NT5C1B: variants seen among roughly 807,000 people sequenced by gnomAD.
The protein encoded by NT5C1B is 5'-nucleotidase, cytosolic IB.
In NT5C1B, 44 loss-of-function variants were observed where a neutral mutation model predicts 57.8. The ratio of observed to expected loss-of-function variants is 0.76; its 90% confidence interval spans 0.60 to 0.98. The LOEUF is 0.98. Ranked by LOEUF, NT5C1B falls within the 50% of genes least tolerant of loss-of-function variation. The pLI is 0.00. For missense variants in NT5C1B, 742 were observed against 719.5 expected (o/e 1.03, Z -0.36); for synonymous variants, 284 against 282.6 (o/e 1.00, Z -0.05).
chr2:18,571,093 G>T (rs1228707705), intron 8 of NT5C1B, among the ~76,000 whole-genome samples: 2 of 152,162 alleles, frequency 1.3e-5, no homozygotes, highest in Non-Finnish European at 2.9e-5. Context: ...AAGAGTGAAA[G>T]ATTGATGTCC....
At chr2:18,580,447 C>T (rs915868151) in intron 6 of NT5C1B, among the ~76,000 whole-genome samples, 1 of 152,140 alleles carries the variant, frequency 6.6e-6, no homozygotes. Flanking sequence ...AACCCTGTCT[C>T]TACTAAAAAA....
chr2:18,583,048 C>G, intron 5 of NT5C1B, 51 bp from the exon 6 acceptor site: 1 of 1,581,482 alleles, frequency 6.3e-7, no homozygotes. Context: ...CAGGGTGGAT[C>G]TGGGGAGGCC....
At chr2:18,569,662 A>G (rs1664975364) in intron 8 of NT5C1B, among the ~76,000 whole-genome samples, 1 of 152,114 alleles carries the variant, frequency 6.6e-6, no homozygotes, top group Admixed American at 6.5e-5. Flanking sequence ...CAATATAATA[A>G]TCCTAAATAT....
chr2:18,580,068 T>C (rs1183936311), intron 6 of NT5C1B, among the ~76,000 whole-genome samples: 5 of 152,000 alleles, frequency 3.3e-5, no homozygotes, highest in Non-Finnish European at 7.4e-5. Context: ...GAAAATCAAA[T>C]CAAAACCACA....
intron 3 of NT5C1B, chr2:18,585,284 G>GTT (rs2148174661): frequency 3.1e-6 from 2 of 636,622 alleles, no homozygotes; most frequent in South Asian, 3.0e-5. Flanking sequence ...CTGACACATG[G>GTT]TTTGCAAAGT....
chr2:18,576,396 C>G (rs80088844), intron 7 of NT5C1B, 28 bp from the exon 8 acceptor site: 20,301 of 1,598,152 alleles, frequency 0.013, 166 homozygotes, highest in Non-Finnish European at 0.016. Context: ...CTGATTAATA[C>G]TCTTCTCAGG....
intron 8 of NT5C1B, among the ~76,000 whole-genome samples, chr2:18,572,908 C>T (rs1254095787): frequency 1.2e-4 from 18 of 152,288 alleles, no homozygotes; most frequent in African/African-American, 4.1e-4. Context: ...TCAAATAAAA[C>T]ATACACTATT....
chr2:18,586,595 G>T, intron 2 of NT5C1B: 1 of 807,748 alleles, frequency 1.2e-6, no homozygotes, highest in Non-Finnish European at 1.9e-6. Flanking sequence ...GAGCATCTAT[G>T]TGGGGGTCCA....
intron 8 of NT5C1B, among the ~76,000 whole-genome samples, chr2:18,575,059 T>G (rs1665554236): frequency 6.6e-6 from 1 of 152,122 alleles, no homozygotes; most frequent in Non-Finnish European, 1.5e-5. Flanking sequence ...GATTATTTAC[T>G]TCAGATGGGA....
At chr2:18,578,151 G>A (rs1572350198) in intron 6 of NT5C1B, among the ~76,000 whole-genome samples, 1 of 152,072 alleles carries the variant, frequency 6.6e-6, no homozygotes, top group Non-Finnish European at 1.5e-5. Context: ...ACCATAAACA[G>A]CCCTGGACCA....
intron 6 of NT5C1B, 42 bp from the exon 7 acceptor site, chr2:18,576,937 A>G (rs776108159): frequency 9.6e-5 from 154 of 1,609,012 alleles, no homozygotes; most frequent in Non-Finnish European, 1.1e-4. Flanking sequence ...CAGAGATTAA[A>G]GACAAAATGC....
At chr2:18,568,919 C>T (rs1664900614) in intron 8 of NT5C1B, among the ~76,000 whole-genome samples, 1 of 152,198 alleles carries the variant, frequency 6.6e-6, no homozygotes, top group African/African-American at 2.4e-5. Flanking sequence ...CTCTGACCAC[C>T]TTGGGCACAT....
chr2:18,576,126 T>C, intron 8 of NT5C1B, 58 bp downstream of exon 8: 1 of 1,468,998 alleles, frequency 6.8e-7, no homozygotes, highest in Non-Finnish European at 9.0e-7. Flanking sequence ...AATATTGATA[T>C]TTATATATTA....
chr2:18,587,313 G>A, intron 2 of NT5C1B, 190 bp downstream of exon 2: 1 of 1,474,714 alleles, frequency 6.8e-7, no homozygotes, highest in Non-Finnish European at 9.0e-7. Flanking sequence ...TGAACACTAG[G>A]GTATGGATGG....
chr2:18,589,218 T>A (rs927324245), intron 1 of NT5C1B, among the ~76,000 whole-genome samples: 1 of 152,254 alleles, frequency 6.6e-6, no homozygotes, highest in Non-Finnish European at 1.5e-5. Context: ...ACACGTTTTT[T>A]AATCTCTTTC....
intron 8 of NT5C1B, 81 bp from the exon 9 acceptor site, chr2:18,564,200 C>T (rs74349222): frequency 0.14 from 202,722 of 1,441,040 alleles, 15,392 homozygotes; most frequent in Middle Eastern, 0.16. Flanking sequence ...CTATATGATA[C>T]GATACAATAC....
intron 8 of NT5C1B, among the ~76,000 whole-genome samples, chr2:18,572,075 G>T (rs1306408737): frequency 4.2e-5 from 4 of 95,744 alleles, no homozygotes; most frequent in Non-Finnish European, 7.9e-5. Flanking sequence ...GACAGAGCGA[G>T]ACTCTGTCAA....
intron 5 of NT5C1B, chr2:18,583,493 C>G (rs1666367277): frequency 4.1e-6 from 1 of 245,588 alleles, no homozygotes; most frequent in Non-Finnish European, 8.0e-6. Context: ...TGTATCCTGC[C>G]CATGCTTTTA....
chr2:18,583,217 G>C (rs539391664), intron 5 of NT5C1B: 2 of 418,314 alleles, frequency 4.8e-6, no homozygotes, highest in South Asian at 1.1e-4. Context: ...AGTAATGTTT[G>C]TTGAAAATTG....
Sources: allele counts gnomAD v4.1 joint callset (sites outside exome capture counted in the v4.1 genomes callset), GRCh38; gene constraint gnomAD v4.1.1; transcripts MANE v1.5; gene names NCBI Gene and HGNC (gene_info 2026-07-23, HGNC 2026-07-21).